The following RIC3 variants were observed in gnomAD, a reference collection of about 807,000 sequenced individuals.
RIC3 encodes protein RIC-3.
In RIC3, 28 loss-of-function variants were observed where a neutral mutation model predicts 27.3. The ratio of observed to expected loss-of-function variants is 1.02; its 90% CI spans 0.76 to 1.41. The LOEUF is 1.41. Among genes scored for constraint, RIC3 ranks in the 40% most tolerant of loss-of-function variants. RIC3 has a pLI of 0.00. For synonymous variants in RIC3, 184 were observed against 160.4 expected, an observed-to-expected ratio of 1.15 and a Z score of -1.11; for missense variants, 501 against 444.7, an observed-to-expected ratio of 1.13 and a Z score of -1.14.
intron 1 of RIC3, among the ~76,000 whole-genome samples, chr11:8,158,184 A>T (rs536026394): frequency 6.6e-6 from 1 of 152,316 alleles, no homozygotes; most frequent in African/African-American, 2.4e-5. Flanking sequence ...TTATATACAC[A>T]TATACATGTA....
At chr11:8,097,329 C>G in the RIC3 span, 1 of 1,614,176 alleles carries the variant, frequency 6.2e-7, no homozygotes, top group Non-Finnish European at 8.5e-7. Flanking sequence ...CCCAGGGTAT[C>G]ACCATCAAAT....
intron 1 of RIC3, among the ~76,000 whole-genome samples, chr11:8,159,389 C>A (rs1950978063): frequency 6.6e-6 from 1 of 152,128 alleles, no homozygotes; most frequent in East Asian, 1.9e-4. Context: ...TACATAGGGC[C>A]TTTTGGGTCA....
intron 1 of RIC3, among the ~76,000 whole-genome samples, chr11:8,151,860 G>C (rs556108968): frequency 6.6e-6 from 1 of 150,618 alleles, no homozygotes; most frequent in Non-Finnish European, 1.5e-5. Context: ...AGGTTGCGAT[G>C]AGCAGAGATC....
At chr11:8,129,797 G>A (rs1947469168) in intron 4 of RIC3, among the ~76,000 whole-genome samples, 1 of 152,174 alleles carries the variant, frequency 6.6e-6, no homozygotes, top group Admixed American at 6.5e-5. Flanking sequence ...AAGATTTGGT[G>A]ATCTCACCTT....
chr11:8,101,431 G>A, downstream of RIC3: 1 of 1,606,258 alleles, frequency 6.2e-7, no homozygotes. Flanking sequence ...TCCTTCCCTG[G>A]CTCTACCATT....
chr11:8,117,506 G>C (rs958923674), intron 5 of RIC3, among the ~76,000 whole-genome samples: 3 of 152,226 alleles, frequency 2.0e-5, no homozygotes, highest in Admixed American at 6.5e-5. Flanking sequence ...AAAAGGTCAA[G>C]CTCATTAAGA....
chr11:8,136,470 G>GT (rs966741014), intron 4 of RIC3, among the ~76,000 whole-genome samples: 1 of 152,122 alleles, frequency 6.6e-6, no homozygotes, highest in African/African-American at 2.4e-5. Flanking sequence ...TTACATTCTG[G>GT]TTTTTCCTTC....
chr11:8,120,240 C>T (rs1317163551), intron 5 of RIC3, among the ~76,000 whole-genome samples: 1 of 152,130 alleles, frequency 6.6e-6, no homozygotes, highest in South Asian at 2.1e-4. Flanking sequence ...CACATGCACA[C>T]GTACATTTAC....
At chr11:8,105,364 T>A (rs1418795953), downstream of RIC3, 1 of 152,182 alleles carries the variant, frequency 6.6e-6, no homozygotes, top group East Asian at 1.9e-4. Context: ...GGCTCTGGTC[T>A]GTAGGTTTGT....
At chr11:8,117,959 ACG>A (rs1946036494) in intron 5 of RIC3, among the ~76,000 whole-genome samples, 1 of 152,128 alleles carries the variant, frequency 6.6e-6, no homozygotes, top group Non-Finnish European at 1.5e-5. Context: ...ACGGTCGCTC[ACG>A]CCTGTAATCC....
chr11:8,168,068 C>G (rs1222061059), intron 1 of RIC3, among the ~76,000 whole-genome samples: 1 of 152,156 alleles, frequency 6.6e-6, no homozygotes, highest in Non-Finnish European at 1.5e-5. Flanking sequence ...AATCATGTCT[C>G]AAAGATATTA....
At chr11:8,114,678 GTT>G (rs1231540712) in intron 5 of RIC3, among the ~76,000 whole-genome samples, 1 of 151,194 alleles carries the variant, frequency 6.6e-6, no homozygotes, top group African/African-American at 2.4e-5. Flanking sequence ...CAAGATAACT[GTT>G]TTAAGGAAAC....
chr11:8,135,759 T>C (rs997692825), intron 4 of RIC3: 1 of 152,168 alleles, frequency 6.6e-6, no homozygotes, highest in African/African-American at 2.4e-5. Flanking sequence ...GGGTTGCCAA[T>C]GGCCCAGGTG....
At chr11:8,135,061 T>G (rs991831102) in intron 4 of RIC3, among the ~76,000 whole-genome samples, 6 of 152,302 alleles carry the variant, frequency 3.9e-5, no homozygotes, top group Non-Finnish European at 2.9e-5. Flanking sequence ...CATGAAGTCC[T>G]TGTCCACGCC....
rs1261358329 is a variant in RIC3, at chr11:8,106,490, A to AAGTT, written c.*4204_*4207dup. ...AAAATGGTGAAGTCAGAAGGTACTT[A>AAGTT]AGTTAGAGCAGTTCTCTTCAGGGTC... On this transcript the variant is annotated 3_prime_UTR_variant, in exon 6 of 6. Transcript: ENST00000309737. The AAGTT allele has an allele frequency of 2.0e-5, 3 of 152,232 alleles. No individual in the cohort carries two copies. Among genetic ancestry groups the AAGTT allele is most frequent in the African/African-American group, 4.8e-5 (2 of 41,452 alleles). 9.4% of individuals were successfully genotyped at this position (152,232 alleles called of 1,614,324 possible). A position where few individuals can be genotyped will look rare whatever the true frequency, so the allele number is the denominator to read the frequency against.
chr11:8,111,547 T>C (rs73409661), intron 5 of RIC3, among the ~76,000 whole-genome samples: 5,350 of 152,298 alleles, frequency 0.035, 113 homozygotes, highest in South Asian at 0.078. Context: ...TTTCCAAATC[T>C]TCCTTGGTGG....
the RIC3 span, among the ~76,000 whole-genome samples, chr11:8,099,779 C>T: frequency 6.6e-6 from 1 of 152,168 alleles, no homozygotes; most frequent in Non-Finnish European, 1.5e-5. Context: ...ACTGAGGTAG[C>T]TCTTGAGTAA....
the RIC3 span, chr11:8,098,786 G>A: frequency 6.2e-7 from 1 of 1,614,104 alleles, no homozygotes; most frequent in Non-Finnish European, 8.5e-7. Flanking sequence ...CAAGTTCACT[G>A]TTTATGACAA....
chr11:8,143,793 A>T (rs1195454885), intron 1 of RIC3, among the ~76,000 whole-genome samples: 1 of 152,216 alleles, frequency 6.6e-6, no homozygotes, highest in Non-Finnish European at 1.5e-5. Context: ...ACAAGGCTAC[A>T]GTAACCAAAA....
Sources: allele counts gnomAD v4.1 joint callset (sites outside exome capture counted in the v4.1 genomes callset), GRCh38; gene constraint gnomAD v4.1.1; transcripts MANE v1.5; gene names NCBI Gene and HGNC (gene_info 2026-07-23, HGNC 2026-07-21).